ADGB: variants seen among roughly 807,000 people sequenced by gnomAD.
The protein encoded by ADGB is androglobin.
Under a neutral mutation model 210.5 loss-of-function variants are expected in ADGB, and 172 were observed. The observed-to-expected ratio is 0.82, with a 90% CI of 0.72 to 0.93. The LOEUF (loss-of-function observed/expected upper bound fraction) is 0.93. Ranked by LOEUF, ADGB falls within the 40% of genes least tolerant of loss-of-function variation. The pLI, the probability that ADGB is intolerant of heterozygous loss-of-function variation, is 0.00. For missense variants in ADGB, 2,025 were observed against 1,964.8 expected, an observed-to-expected ratio of 1.03 and a Z score of -0.58; for synonymous variants, 658 against 662.7, an observed-to-expected ratio of 0.99 and a Z score of 0.11.
At chr6:146,715,044 C>T (rs995850902) in intron 13 of ADGB, among the ~76,000 whole-genome samples, 3 of 152,086 alleles carry the variant, frequency 2.0e-5, no homozygotes, top group Non-Finnish European at 4.4e-5. Context: ...ATTAAGTTAT[C>T]TATATTAATA....
At chr6:146,749,530 C>A (rs753059279) in intron 26 of ADGB, among the ~76,000 whole-genome samples, 1 of 152,140 alleles carries the variant, frequency 6.6e-6, no homozygotes, top group Non-Finnish European at 1.5e-5. Flanking sequence ...GTCCAGTCAA[C>A]ACTGTCAAGT....
intron 12 of ADGB, 149 bp from the exon 13 acceptor site, chr6:146,700,792 G>A (rs1776478638): frequency 1.2e-6 from 1 of 862,454 alleles, no homozygotes; most frequent in Non-Finnish European, 1.7e-6. Flanking sequence ...TTAACATGAG[G>A]TAAAAAACAT....
chr6:146,723,036 C>G (rs985345578), intron 17 of ADGB, among the ~76,000 whole-genome samples: 3 of 152,148 alleles, frequency 2.0e-5, no homozygotes, highest in African/African-American at 7.2e-5. Context: ...AATGTTTTGT[C>G]AACATGCAGG....
At chr6:146,627,322 G>A (rs778183912) in intron 1 of ADGB, among the ~76,000 whole-genome samples, 1 of 151,928 alleles carries the variant, frequency 6.6e-6, no homozygotes, top group Non-Finnish European at 1.5e-5. Flanking sequence ...TTTTATGCCT[G>A]GTAATTTTTT....
intron 3 of ADGB, among the ~76,000 whole-genome samples, chr6:146,651,657 T>C (rs905817657): frequency 1.3e-5 from 2 of 152,156 alleles, no homozygotes; most frequent in Admixed American, 1.3e-4. Context: ...GGCCTGATAA[T>C]GGTAGACTAA....
At position 146,736,538 on chromosome 6, in the gene ADGB, A is replaced by T; in HGVS notation, c.2835A>T (p.Lys945Asn). The change falls in exon 23 of 36, where the codon AAA becomes AAT. Residue 945 changes from lysine to asparagine, a missense_variant. Transcript: ENST00000397944. ...TCAGTGTTGCAGATACTCTTCAAAA[A>T]GTTTGGGCTGTATTGGAAATGAATT... ...ENISVADTLQ[K>N]VWAVLEMNLE... 2 of 1,549,298 alleles carry T rather than the reference A, an allele frequency of 1.3e-6. No individual in the cohort carries two copies. Among genetic ancestry groups the T allele is most frequent in the Non-Finnish European group, 1.7e-6 (2 of 1,145,808 alleles).
intron 1 of ADGB, among the ~76,000 whole-genome samples, chr6:146,634,446 G>C (rs1775369423): frequency 6.6e-6 from 1 of 151,898 alleles, no homozygotes; most frequent in Admixed American, 6.6e-5. Context: ...TTTTTTAACT[G>C]CTTGTCCCAC....
intron 33 of ADGB, among the ~76,000 whole-genome samples, chr6:146,799,704 G>C (rs984145804): frequency 1.4e-4 from 21 of 152,076 alleles, no homozygotes; most frequent in Non-Finnish European, 1.2e-4. Context: ...GTTAATAATG[G>C]GGGAGGCTAC....
intron 9 of ADGB, among the ~76,000 whole-genome samples, chr6:146,679,378 G>A (rs1776127645): frequency 6.6e-6 from 1 of 152,050 alleles, no homozygotes; most frequent in Non-Finnish European, 1.5e-5. Context: ...TCATGTACAT[G>A]CACACACATG....
At chr6:146,738,650 G>A (rs1019044452) in intron 23 of ADGB, among the ~76,000 whole-genome samples, 2 of 151,620 alleles carry the variant, frequency 1.3e-5, no homozygotes, top group African/African-American at 2.4e-5. Context: ...GGGTTTCACC[G>A]TGTTAGCCAG....
chr6:146,697,844 C>T (rs1289752494), intron 12 of ADGB, among the ~76,000 whole-genome samples: 2 of 152,060 alleles, frequency 1.3e-5, no homozygotes, highest in Non-Finnish European at 2.9e-5. Flanking sequence ...CAGCTAGACA[C>T]ATCATAGTAA....
At chr6:146,680,854 C>G (rs1283885831) in intron 9 of ADGB, among the ~76,000 whole-genome samples, 1 of 152,108 alleles carries the variant, frequency 6.6e-6, no homozygotes, top group Admixed American at 6.6e-5. Context: ...TATTTCTTTA[C>G]CACAATTAAT....
At chr6:146,736,351 C>A (rs984721604) in intron 22 of ADGB, 147 bp from the exon 23 acceptor site, 61 of 538,538 alleles carry the variant, frequency 1.1e-4, no homozygotes, top group African/African-American at 1.1e-3. Context: ...TATTTTAAAC[C>A]TGAGTTTTCT....
chr6:146,740,477 G>A lies in ADGB; in HGVS notation c.2907G>A (p.Lys969=), dbSNP rs1777149228. ...TTTCTAGACTAATGTTTAAAAGCAA[G>A]TGCAAGTCTTTGGAATCTTATCCAT... is the stretch of plus-strand genomic sequence containing the variant. ...VSLLRLMFKS[K]CKSLESYPCY... Residue 969 remains lysine (K), a synonymous_variant, in exon 24 of 36, where the codon AAG becomes AAA. Transcript: ENST00000397944. The A allele has an allele frequency of 2.6e-6, 4 of 1,545,794 alleles. No homozygotes were observed. The highest frequency in any genetic ancestry group is 1.2e-5 in the South Asian group (1 of 83,290).
intron 3 of ADGB, among the ~76,000 whole-genome samples, chr6:146,648,487 C>G (rs143999524): frequency 0.011 from 1,636 of 152,188 alleles, 9 homozygotes; most frequent in Non-Finnish European, 0.018. Context: ...AGGAAATTTA[C>G]AATCATGGCA....
At chr6:146,776,824 C>T (rs1777729352) in intron 29 of ADGB, among the ~76,000 whole-genome samples, 1 of 152,010 alleles carries the variant, frequency 6.6e-6, no homozygotes, top group South Asian at 2.1e-4. Flanking sequence ...TTATTTTAAG[C>T]TCTCTGGGCA....
At chr6:146,644,921 C>G in intron 3 of ADGB, 56 bp downstream of exon 3, 1 of 1,103,008 alleles carries the variant, frequency 9.1e-7, no homozygotes, top group Admixed American at 3.4e-5. Context: ...TATTATCCTA[C>G]TGATAAAAAT....
intron 12 of ADGB, among the ~76,000 whole-genome samples, chr6:146,698,347 C>G (rs1189480400): frequency 6.6e-6 from 1 of 152,172 alleles, no homozygotes; most frequent in African/African-American, 2.4e-5. Flanking sequence ...CTTGGATAGA[C>G]TATAATCTAT....
Position 146,802,921 on chromosome 6 carries a change from T to C in ADGB, c.4818+910T>C, listed in dbSNP as rs1236630952. 11 of 1,610,492 alleles carry C rather than the reference T, an allele frequency of 6.8e-6. No homozygotes were observed. The East Asian group carries it at 2.5e-4, about 36-fold the overall frequency. ...ATTGTTGTTTTAAAATTTGAATATTTCCATCATTTAAAATTTGTTTTGGAT... is the reference window on the plus strand; with the variant it reads ...ATTGTTGTTTTAAAATTTGAATATTCCCATCATTTAAAATTTGTTTTGGAT... On this transcript the variant is annotated intron_variant, in intron 35 of 35. Coordinates refer to ENST00000397944, the MANE Select transcript of ADGB (RefSeq NM_024694.4).
Sources: gnomAD v4.1 joint callset for allele counts (sites outside exome capture counted in the v4.1 genomes callset) on GRCh38, gnomAD v4.1.1 for gene constraint, MANE v1.5 for transcripts, NCBI Gene and HGNC (gene_info 2026-07-23, HGNC 2026-07-21) for gene names.